The following SAP130 variants were observed in gnomAD, a reference collection of about 807,000 sequenced individuals.
The protein encoded by SAP130 is Sin3A associated protein 130.
Under a neutral mutation model 103.2 loss-of-function variants are expected in SAP130, and 16 were observed. That is an observed-to-expected ratio of 0.16 (90% CI 0.10 to 0.24). The LOEUF (loss-of-function observed/expected upper bound fraction) is 0.24, where lower values mean the gene tolerates loss of function less well. Among genes scored for constraint, SAP130 ranks in the 10% least tolerant of loss-of-function variants. The pLI is 1.00. For synonymous variants in SAP130, 477 were observed against 497.0 expected (o/e 0.96, Z 0.53); for missense variants, 990 against 1,359.7 (o/e 0.73, Z 4.28).
chr2:127,962,086 G>T (rs1308109863), intron 15 of SAP130, among the ~76,000 whole-genome samples: 1 of 152,140 alleles, frequency 6.6e-6, no homozygotes, highest in Non-Finnish European at 1.5e-5. Flanking sequence ...TGTAATTTTG[G>T]TAAGTATTGC....
Position 127,999,060 on chromosome 2 carries a change from T to C in SAP130, c.1213+681A>G, listed in dbSNP as rs1484793418. Among the ~76,000 whole-genome samples, 7 of 152,324 alleles carry C rather than the reference T, an allele frequency of 4.6e-5. No individual in the cohort carries two copies. In the East Asian group the frequency reaches 7.7e-4, roughly 17 times the overall value. Reference sequence around the variant, plus strand: ...AAATTCAGAAGGTTACGGGAAAAATTTGGTCTCTCCAATGGCAAGTCATGG... The same window carrying C: ...AAATTCAGAAGGTTACGGGAAAAATCTGGTCTCTCCAATGGCAAGTCATGG... On this transcript the variant is annotated intron_variant, in intron 10 of 20. Coordinates refer to ENST00000643581, the MANE Select transcript of SAP130 (RefSeq NM_001330301.2).
rs565719139 is a variant in SAP130, at chr2:127,997,400, T to A, written c.1214-909A>T. Among the ~76,000 whole-genome samples, 4 of 152,298 alleles carry A rather than the reference T, an allele frequency of 2.6e-5. No homozygotes were observed. In the South Asian group the frequency reaches 8.3e-4, roughly 32 times the overall value. On this transcript the variant is annotated intron_variant, in intron 10 of 20. Transcript: ENST00000643581. ...ACCCGTTACACCAGTGAGAGGCACA[T>A]TAACAAAGAGACTAGACTAGGAGGA... is the stretch of plus-strand genomic sequence containing the variant.
rs181645459 is a variant in SAP130, at chr2:128,007,849, T to C, written c.869+2420A>G. 1.3e-3 allele frequency among the ~76,000 whole-genome samples: 204 copies of C among 152,296 alleles called. 6 individuals are homozygous for C. The highest frequency in any genetic ancestry group is 0.012 in the Admixed American group (185 of 15,290). ...GCTTTCATTGTGGCCCACACATTGATCACTCCTAAACCCATTATCTCTAGC... is the reference window on the plus strand; with the variant it reads ...GCTTTCATTGTGGCCCACACATTGACCACTCCTAAACCCATTATCTCTAGC... On this transcript the variant is annotated intron_variant, in intron 7 of 20. Transcript: ENST00000643581.
Position 127,953,796 on chromosome 2 carries a change from C to G in SAP130, c.2422+1190G>C, listed in dbSNP as rs1451952244. Among the ~76,000 whole-genome samples the G allele has an allele frequency of 2.6e-5, 4 of 152,186 alleles. No homozygotes were observed. The highest frequency in any genetic ancestry group is 6.5e-5 in the Admixed American group (1 of 15,268). ...TGAGGCTTTCTCCTAAAACTCTTTA[C>G]ACACATTCCAGCCCTGGCTACAGCT... On this transcript the variant is annotated intron_variant, in intron 16 of 20. Coordinates refer to ENST00000643581, the MANE Select transcript of SAP130 (RefSeq NM_001330301.2). The surrounding 1 kb of genome is among the most constrained non-coding windows in gnomAD (Gnocchi z 4.0).
At position 127,986,676 on chromosome 2, in the gene SAP130, C is replaced by G; in HGVS notation, c.1958+109G>C. On this transcript the variant is annotated intron_variant, in intron 14 of 20. Transcript: ENST00000643581. This position sits in a 1 kb window ranked among gnomAD's most constrained non-coding sequence, Gnocchi z 4.7. ...TTTTGGAGGAAATTTTAACACACCA[C>G]AGAAAATGAGAGATGAGTTTGATAC... The G allele has an allele frequency of 8.0e-7, 1 of 1,246,280 alleles. No homozygotes were observed. The highest frequency in any genetic ancestry group is 1.1e-6 in the Non-Finnish European group (1 of 883,804). The allele number at this position is 1,246,280 out of a possible 1,614,324, so 77.2% of individuals were successfully genotyped here. A position where few individuals can be genotyped will look rare whatever the true frequency, so the allele number is the denominator to read the frequency against.
At chr2:127,988,993 A>G (rs1278677982) in intron 13 of SAP130, among the ~76,000 whole-genome samples, 2 of 152,234 alleles carry the variant, frequency 1.3e-5, no homozygotes, top group African/African-American at 2.4e-5. Context: ...ATCTTCAATG[A>G]GAATACTACT....
At chr2:127,978,826 C>A (rs1681657083) in intron 14 of SAP130, among the ~76,000 whole-genome samples, 1 of 151,970 alleles carries the variant, frequency 6.6e-6, no homozygotes, top group South Asian at 2.1e-4. Context: ...AGTAGTCTTG[C>A]CATAAGAAGA....
At chr2:127,992,861 T>C (rs144136402) in intron 12 of SAP130, among the ~76,000 whole-genome samples, 4 of 152,300 alleles carry the variant, frequency 2.6e-5, no homozygotes, top group African/African-American at 7.2e-5. Context: ...TTTAAAAATA[T>C]AGCCAAGATT....
intron 7 of SAP130, among the ~76,000 whole-genome samples, chr2:128,005,603 T>C (rs1683900517): frequency 6.7e-6 from 1 of 149,988 alleles, no homozygotes; most frequent in Non-Finnish European, 1.5e-5. Context: ...CAAGACTAGG[T>C]CTCAAAAGAA....
chr2:128,027,962 G>A lies in SAP130; in HGVS notation c.-29C>T. On this transcript the variant is annotated 5_prime_UTR_variant, in exon 1 of 21. Coordinates refer to ENST00000643581, the MANE Select transcript of SAP130 (RefSeq NM_001330301.2). ...TACCTGGGTGCTGCGCCCAGTGGCCGCCGCGCCGCCTTGAGCTCGCTCCCG... is the reference window on the plus strand; with the variant it reads ...TACCTGGGTGCTGCGCCCAGTGGCCACCGCGCCGCCTTGAGCTCGCTCCCG... 1.0e-6 allele frequency: 1 copy of A among 985,412 alleles called. No homozygotes were observed. Among genetic ancestry groups the A allele is most frequent in the Non-Finnish European group, 1.2e-6 (1 of 830,090 alleles). The allele number at this position is 985,412 out of a possible 1,614,324, so 61.0% of individuals were successfully genotyped here. A position where few individuals can be genotyped will look rare whatever the true frequency, so the allele number is the denominator to read the frequency against.
At chr2:127,968,933 A>AC (rs1479014053) in intron 15 of SAP130, among the ~76,000 whole-genome samples, 1 of 152,230 alleles carries the variant, frequency 6.6e-6, no homozygotes, top group Non-Finnish European at 1.5e-5. Flanking sequence ...ATCTTTCAGT[A>AC]CAGCTACACC....
At chr2:127,999,935 A>C in intron 9 of SAP130, 90 bp from the exon 10 acceptor site, 1 of 1,435,352 alleles carries the variant, frequency 7.0e-7, no homozygotes. Context: ...TCCTGGAAAA[A>C]GTTAAGAGAA....
chr2:127,982,197 T>C (rs894703410), intron 14 of SAP130, among the ~76,000 whole-genome samples: 7 of 150,728 alleles, frequency 4.6e-5, no homozygotes, highest in African/African-American at 1.5e-4. Context: ...GGGTGGTAGA[T>C]AGTAGAGCAA....
At chr2:128,009,335 G>A (rs1006444987) in intron 7 of SAP130, among the ~76,000 whole-genome samples, 4 of 152,232 alleles carry the variant, frequency 2.6e-5, no homozygotes, top group East Asian at 1.9e-4. Context: ...GTTAGGCATG[G>A]TGGTGCACAT....
chr2:127,952,705 G>A (rs1679578493), intron 16 of SAP130, among the ~76,000 whole-genome samples: 1 of 152,076 alleles, frequency 6.6e-6, no homozygotes, highest in Non-Finnish European at 1.5e-5. Flanking sequence ...GATCTCTCAA[G>A]AGCATGTGAT....
chr2:127,951,736 A>G (rs1164400264), intron 16 of SAP130, among the ~76,000 whole-genome samples: 1 of 152,232 alleles, frequency 6.6e-6, no homozygotes, highest in Non-Finnish European at 1.5e-5. Context: ...GAATGTCGCC[A>G]GAGGGAGACA....
At chr2:128,025,909 CATTA>C (rs1354511731) in intron 2 of SAP130, among the ~76,000 whole-genome samples, 1 of 152,150 alleles carries the variant, frequency 6.6e-6, no homozygotes. Context: ...TACTCCTGGA[CATTA>C]ATTAAACAAG....
rs1391213906 is a variant in SAP130 at position 127,996,569 on chromosome 2, A to G, written c.1214-78T>C. 4.2e-5 allele frequency: 55 copies of G among 1,301,964 alleles called. 1 individual carries two copies. Among genetic ancestry groups the G allele is most frequent in the Non-Finnish European group, 4.4e-5 (43 of 979,300 alleles). The allele number at this position is 1,301,964 out of a possible 1,614,324, so 80.7% of individuals were successfully genotyped here. ...GCCAAAACATTCTTGGCTAGCAGCAATCTTAGGAAAGCAAACAATTAAAAT... is the reference window on the plus strand; with the variant it reads ...GCCAAAACATTCTTGGCTAGCAGCAGTCTTAGGAAAGCAAACAATTAAAAT... On this transcript the variant is annotated intron_variant, in intron 10 of 20. Coordinates refer to ENST00000643581, the MANE Select transcript of SAP130 (RefSeq NM_001330301.2). The surrounding 1 kb of genome is among the most constrained non-coding windows in gnomAD (Gnocchi z 4.3).
chr2:127,973,234 A>C (rs1319930037), intron 15 of SAP130, among the ~76,000 whole-genome samples: 4 of 152,014 alleles, frequency 2.6e-5, no homozygotes, highest in African/African-American at 9.7e-5. Context: ...TTACTTCAGA[A>C]TTTTTTTGTT....
Sources: gnomAD v4.1 joint callset for allele counts (sites outside exome capture counted in the v4.1 genomes callset) on GRCh38, gnomAD v4.1.1 for gene constraint, Gnocchi (gnomAD v3.1) non-coding constraint, MANE v1.5 for transcripts, NCBI Gene and HGNC (gene_info 2026-07-23, HGNC 2026-07-21) for gene names.